PPARGC1B: variants seen among roughly 807,000 people sequenced by gnomAD.
PPARGC1B encodes the protein peroxisome proliferator-activated receptor gamma coactivator 1-beta.
PPARGC1B carries 34 observed loss-of-function variants against 101.6 expected under a neutral mutation model. That is an observed-to-expected ratio of 0.33 (90% CI 0.25 to 0.45). The LOEUF (loss-of-function observed/expected upper bound fraction) is 0.45. Ranked by LOEUF, PPARGC1B falls within the 20% of genes least tolerant of loss-of-function variation. The pLI, the probability that PPARGC1B is intolerant of heterozygous loss-of-function variation, is 1.00. For synonymous variants in PPARGC1B, 548 were observed against 539.3 expected (o/e 1.02, Z -0.22); for missense variants, 1,234 against 1,317.6 (o/e 0.94, Z 0.98).
intron 1 of PPARGC1B, among the ~76,000 whole-genome samples, chr5:149,811,249 G>A (rs1253155907): frequency 1.3e-5 from 2 of 152,156 alleles, no homozygotes; most frequent in African/African-American, 2.4e-5. Flanking sequence ...GCATTCAGCT[G>A]GATCAAGAAC....
intron 9 of PPARGC1B, among the ~76,000 whole-genome samples, chr5:149,840,362 G>A (rs1759285355): frequency 6.6e-6 from 1 of 152,228 alleles, no homozygotes; most frequent in Non-Finnish European, 1.5e-5. Flanking sequence ...GGCCATGAGT[G>A]TGCTGTTGGT....
At chr5:149,816,955 C>G (rs1458248245) in intron 1 of PPARGC1B, among the ~76,000 whole-genome samples, 1 of 152,192 alleles carries the variant, frequency 6.6e-6, no homozygotes, top group African/African-American at 2.4e-5. Context: ...GGGGTAAAAC[C>G]CAAATCCTTT....
intron 1 of PPARGC1B, among the ~76,000 whole-genome samples, chr5:149,771,754 TCCG>T (rs1756139417): frequency 6.6e-6 from 1 of 152,212 alleles, no homozygotes; most frequent in Non-Finnish European, 1.5e-5. Flanking sequence ...CTCCACTTGC[TCCG>T]CCTTACATTC....
chr5:149,762,818 G>A (rs893982723), intron 1 of PPARGC1B, among the ~76,000 whole-genome samples: 2 of 151,886 alleles, frequency 1.3e-5, no homozygotes, highest in African/African-American at 2.4e-5. Context: ...GATGGGTCTC[G>A]CTCTGTTGCC....
At chr5:149,799,148 T>A (rs1757336717) in intron 1 of PPARGC1B, among the ~76,000 whole-genome samples, 1 of 152,124 alleles carries the variant, frequency 6.6e-6, no homozygotes, top group South Asian at 2.1e-4. Context: ...GTCTGTCCCT[T>A]CCTCAGAATC....
At chr5:149,741,585 A>G (rs1186157766) in intron 1 of PPARGC1B, among the ~76,000 whole-genome samples, 4 of 151,764 alleles carry the variant, frequency 2.6e-5, no homozygotes, top group South Asian at 2.1e-4. Flanking sequence ...TGGCAATGCC[A>G]TACTGTTCCC....
At position 149,821,360 on chromosome 5, in the gene PPARGC1B, G is replaced by A. The variant is rs563794051; in HGVS notation, c.252+754G>A. On this transcript the variant is annotated intron_variant, in intron 2 of 11. Coordinates refer to ENST00000309241, the MANE Select transcript of PPARGC1B (RefSeq NM_133263.4). Reference sequence around the variant, plus strand: ...AATGGCTAGCATTTCCTGTAAGAAGGCCTCTTACGGAATAATATGATGTCT... The same window carrying A: ...AATGGCTAGCATTTCCTGTAAGAAGACCTCTTACGGAATAATATGATGTCT... Among the ~76,000 whole-genome samples the A allele has an allele frequency of 6.9e-4, 105 of 152,290 alleles. 1 individual carries two copies. The Middle Eastern group carries it at 0.014, about 20-fold the overall frequency.
intron 1 of PPARGC1B, among the ~76,000 whole-genome samples, chr5:149,763,997 C>G (rs904009209): frequency 2.6e-5 from 4 of 152,058 alleles, no homozygotes; most frequent in African/African-American, 7.2e-5. Context: ...GGGCTTTTCC[C>G]CTTTATTGGT....
At chr5:149,753,310 G>A (rs1439923426) in intron 1 of PPARGC1B, among the ~76,000 whole-genome samples, 4 of 151,730 alleles carry the variant, frequency 2.6e-5, no homozygotes, top group Non-Finnish European at 4.4e-5. Context: ...GGGTTCAAGC[G>A]ATTCTCCTGC....
At position 149,833,565 on chromosome 5, in the gene PPARGC1B, G is replaced by T. The variant is rs1758910651; in HGVS notation, c.1492G>T (p.Val498Phe). ...PWLTFADEPLVPSEPQGALPS... is the reference protein window; with the variant it reads ...PWLTFADEPLFPSEPQGALPS... ...GCTGACATTTGCAGATGAGCCGCTG[G>T]TCCCCTCGGAGCCCCAAGGTGCTCT... The change falls in exon 5 of 12, where the codon GTC becomes TTC. Residue 498 changes from valine to phenylalanine, a missense_variant. Coordinates refer to ENST00000309241, the MANE Select transcript of PPARGC1B (RefSeq NM_133263.4). This position sits in a 1 kb window ranked among gnomAD's most constrained non-coding sequence, Gnocchi z 4.1. 18 of 1,592,104 alleles carry T rather than the reference G, an allele frequency of 1.1e-5. No individual in the cohort carries two copies. The highest frequency in any genetic ancestry group is 2.3e-5 in the South Asian group (2 of 87,548).
At chr5:149,819,273 G>A (rs1016242241) in intron 1 of PPARGC1B, among the ~76,000 whole-genome samples, 3 of 152,178 alleles carry the variant, frequency 2.0e-5, no homozygotes, top group African/African-American at 2.4e-5. Context: ...GTTTATGACC[G>A]TCTAGATCTT....
intron 9 of PPARGC1B, 144 bp from the exon 10 acceptor site, chr5:149,842,112 T>C (rs1759365900): frequency 9.5e-7 from 1 of 1,053,114 alleles, no homozygotes. Flanking sequence ...AGATTGGCAT[T>C]GTCCTCTCTC....
intron 1 of PPARGC1B, among the ~76,000 whole-genome samples, chr5:149,743,710 A>G (rs1754989663): frequency 6.6e-6 from 1 of 152,154 alleles, no homozygotes; most frequent in Non-Finnish European, 1.5e-5. Flanking sequence ...GTGTGGCAGC[A>G]TTGTACCAGT....
In PPARGC1B at chr5:149,830,839, C is replaced by T. The variant is rs777341582; in HGVS notation, c.538C>T (p.Arg180Cys). The stretch of plus-strand genomic sequence containing the variant: ...CACCCAGAAGGAAGGGACCGCCTGG[C>T]GCCAGGCAGGCCTCAGATCTAAAAG... ...SDTQKEGTAW[R>C]QAGLRSKSQR... Residue 180 changes from arginine (R) to cysteine (C), a missense_variant, in exon 4 of 12, where the codon CGC (arginine) becomes TGC (cysteine). Arg to Cys is a radical substitution (Grantham distance 180). Transcript: ENST00000309241. 34 of 1,614,004 alleles carry T rather than the reference C, an allele frequency of 2.1e-5. No individual in the cohort carries two copies. The highest frequency in any genetic ancestry group is 2.5e-5 in the Non-Finnish European group (29 of 1,179,978).
At chr5:149,825,254 C>T (rs940227389) in intron 2 of PPARGC1B, among the ~76,000 whole-genome samples, 3 of 152,248 alleles carry the variant, frequency 2.0e-5, no homozygotes, top group Admixed American at 1.3e-4. Flanking sequence ...TGTCCAAGTC[C>T]TGGCTTTGGA....
At chr5:149,745,068 AT>A (rs748164251) in intron 1 of PPARGC1B, among the ~76,000 whole-genome samples, 22 of 151,926 alleles carry the variant, frequency 1.4e-4, no homozygotes, top group South Asian at 4.2e-4. Flanking sequence ...CACCTGGATA[AT>A]TTTTTACTTT....
chr5:149,821,165 G>A (rs1195786961), intron 2 of PPARGC1B, among the ~76,000 whole-genome samples: 2 of 152,208 alleles, frequency 1.3e-5, no homozygotes, highest in East Asian at 1.9e-4. Context: ...CCCTGTTTGT[G>A]TATATTAATT....
At chr5:149,824,905 C>G (rs766377659) in intron 2 of PPARGC1B, among the ~76,000 whole-genome samples, 19 of 152,250 alleles carry the variant, frequency 1.2e-4, no homozygotes, top group Admixed American at 5.2e-4. Flanking sequence ...CCCCGTGTTC[C>G]CCCTTCGAAC....
chr5:149,817,316 A>C (rs1758096076), intron 1 of PPARGC1B, among the ~76,000 whole-genome samples: 1 of 152,180 alleles, frequency 6.6e-6, no homozygotes, highest in South Asian at 2.1e-4. Context: ...TGTACAAAAA[A>C]TTAAAAAAGA....
Sources: gnomAD v4.1 joint callset for allele counts (sites outside exome capture counted in the v4.1 genomes callset) on GRCh38, gnomAD v4.1.1 for gene constraint, Gnocchi (gnomAD v3.1) non-coding constraint, MANE v1.5 for transcripts, NCBI Gene and HGNC (gene_info 2026-07-23, HGNC 2026-07-21) for gene names.